Variants in PLCXD2 observed in about 807,000 individuals in gnomAD.
PLCXD2 encodes PI-PLC X domain-containing protein 2.
A neutral mutation model predicts 28.6 loss-of-function variants in PLCXD2; 21 were observed. The observed-to-expected ratio is 0.73, with a 90% CI of 0.52 to 1.06. The LOEUF is 1.06. Among genes scored for constraint, PLCXD2 ranks in the 50% least tolerant of loss-of-function variants. PLCXD2 has a pLI of 0.00. For synonymous variants in PLCXD2, 140 were observed against 150.1 expected (o/e 0.93, Z 0.49); for missense variants, 369 against 376.7 (o/e 0.98, Z 0.17).
intron 1 of PLCXD2, among the ~76,000 whole-genome samples, chr3:111,684,270 C>T (rs1304823068): frequency 6.8e-6 from 1 of 147,614 alleles, no homozygotes; most frequent in Non-Finnish European, 1.5e-5. Context: ...GCAGAGGTTG[C>T]GATCAGCTGA....
At chr3:111,687,532 G>C (rs935767294) in intron 1 of PLCXD2, among the ~76,000 whole-genome samples, 1 of 152,052 alleles carries the variant, frequency 6.6e-6, no homozygotes, top group Non-Finnish European at 1.5e-5. Context: ...ATTATTATCT[G>C]TTCATATTAA....
intron 1 of PLCXD2, among the ~76,000 whole-genome samples, chr3:111,675,866 A>T (rs1270880407): frequency 6.6e-6 from 1 of 152,198 alleles, no homozygotes; most frequent in Non-Finnish European, 1.5e-5. Context: ...AAAAATGGAT[A>T]AGCATTAGAG....
At chr3:111,686,882 A>T (rs1392507276) in intron 1 of PLCXD2, among the ~76,000 whole-genome samples, 1 of 152,152 alleles carries the variant, frequency 6.6e-6, no homozygotes, top group Admixed American at 6.5e-5. Flanking sequence ...TTTCTGACAC[A>T]TTCCTCTTCA....
At chr3:111,709,036 A>T (rs541199265) in intron 2 of PLCXD2, among the ~76,000 whole-genome samples, 2 of 151,756 alleles carry the variant, frequency 1.3e-5, no homozygotes, top group African/African-American at 4.8e-5. Context: ...CTCTGATCCT[A>T]AAGGATGACA....
At chr3:111,703,714 T>C (rs962891774) in intron 1 of PLCXD2, among the ~76,000 whole-genome samples, 1 of 152,232 alleles carries the variant, frequency 6.6e-6, no homozygotes, top group Non-Finnish European at 1.5e-5. Context: ...TGAGGAGGTA[T>C]AAAAATTTCC....
intron 1 of PLCXD2, among the ~76,000 whole-genome samples, chr3:111,685,709 G>T (rs180927625): frequency 6.6e-6 from 1 of 152,206 alleles, no homozygotes; most frequent in Non-Finnish European, 1.5e-5. Flanking sequence ...AGTGCCCCTT[G>T]CAAGGGGTTA....
rs920890451 is a variant in PLCXD2, at chr3:111,684,850, C to A, written c.163+9442C>A. Among the ~76,000 whole-genome samples the A allele has an allele frequency of 9.2e-5, 14 of 152,044 alleles. No homozygotes were observed. The East Asian group carries it at 2.5e-3, about 27-fold the overall frequency. The stretch of plus-strand genomic sequence containing the variant: ...TGAGGTCATCCAAGTGGGAGGCGAC[C>A]CTGACCTGAGGAGGAGGGTGACAGC... On this transcript the variant is annotated intron_variant, in intron 1 of 4. Transcript: ENST00000477665.
intron 1 of PLCXD2, among the ~76,000 whole-genome samples, chr3:111,683,011 CG>C (rs1398639356): frequency 1.4e-4 from 21 of 152,138 alleles, no homozygotes; most frequent in African/African-American, 5.1e-4. Context: ...TGTGTTAAAT[CG>C]GGTGATCACA....
Position 111,721,204 on chromosome 3 carries a change from C to T in PLCXD2, c.866+7076C>T, listed in dbSNP as rs534328720. On this transcript the variant is annotated intron_variant, in intron 3 of 4. Coordinates refer to ENST00000477665, the MANE Select transcript of PLCXD2 (RefSeq NM_001185106.1). ...TAGGACCCATTGGGGTATTGAGTGT[C>T]CCCCTAATTGGCCCAGCTCCCTATT... 5.3e-5 allele frequency: 9 copies of T among 170,100 alleles called. No homozygotes were observed. In the East Asian group the frequency reaches 1.4e-3, roughly 26 times the overall value. 10.5% of individuals were successfully genotyped at this position (170,100 alleles called of 1,614,324 possible).
At chr3:111,726,994 A>G (rs1941424678) in intron 3 of PLCXD2, 2 of 152,226 alleles carry the variant, frequency 1.3e-5, no homozygotes, top group Non-Finnish European at 2.9e-5. Context: ...TTGTTATATA[A>G]TATTGGACAA....
At chr3:111,682,049 T>C (rs899178076) in intron 1 of PLCXD2, among the ~76,000 whole-genome samples, 4 of 152,250 alleles carry the variant, frequency 2.6e-5, no homozygotes, top group Non-Finnish European at 4.4e-5. Context: ...TGTGTTTGTG[T>C]GTGTGAAAAG....
chr3:111,695,082 C>G (rs1940942371), intron 1 of PLCXD2, among the ~76,000 whole-genome samples: 2 of 144,984 alleles, frequency 1.4e-5, no homozygotes, highest in Non-Finnish European at 3.0e-5. Context: ...TCTTAAAAAT[C>G]ATAAGTCATT....
intron 1 of PLCXD2, among the ~76,000 whole-genome samples, chr3:111,700,435 A>G (rs1445906466): frequency 6.6e-6 from 1 of 152,194 alleles, no homozygotes; most frequent in Non-Finnish European, 1.5e-5. Flanking sequence ...ATGCATATAG[A>G]ACATTAAGGA....
At chr3:111,684,249 G>T (rs1234385120) in intron 1 of PLCXD2, among the ~76,000 whole-genome samples, 1 of 150,648 alleles carries the variant, frequency 6.6e-6, no homozygotes, top group Admixed American at 6.6e-5. Flanking sequence ...AGAATCGCTT[G>T]AACCCGGGAG....
chr3:111,695,530 C>T (rs903907728), intron 1 of PLCXD2, among the ~76,000 whole-genome samples: 6 of 152,252 alleles, frequency 3.9e-5, no homozygotes, highest in Non-Finnish European at 8.8e-5. Context: ...AAAACCAACA[C>T]TGTGAAACTG....
At chr3:111,684,413 G>C (rs2107841555) in intron 1 of PLCXD2, among the ~76,000 whole-genome samples, 1 of 151,620 alleles carries the variant, frequency 6.6e-6, no homozygotes, top group East Asian at 1.9e-4. Flanking sequence ...CAGCACTTTG[G>C]AAAGCCGAGG....
intron 3 of PLCXD2, among the ~76,000 whole-genome samples, chr3:111,715,160 GT>G (rs1297392389): frequency 5.9e-5 from 9 of 152,240 alleles, no homozygotes; most frequent in Non-Finnish European, 1.0e-4. Context: ...ACCAGAAAGT[GT>G]TTTCTGTGTG....
intron 1 of PLCXD2, among the ~76,000 whole-genome samples, chr3:111,683,889 A>T (rs1940753928): frequency 6.6e-6 from 1 of 152,148 alleles, no homozygotes; most frequent in African/African-American, 2.4e-5. Context: ...CACAGTAAGG[A>T]TGCTCTAGAG....
chr3:111,694,415 C>A (rs913065811), intron 1 of PLCXD2, among the ~76,000 whole-genome samples: 1 of 151,962 alleles, frequency 6.6e-6, no homozygotes, highest in Admixed American at 6.6e-5. Flanking sequence ...ATGACTTTTT[C>A]TCTTATCGCA....
Sources: gnomAD v4.1 joint callset for allele counts (sites outside exome capture counted in the v4.1 genomes callset) on GRCh38, gnomAD v4.1.1 for gene constraint, MANE v1.5 for transcripts, NCBI Gene and HGNC (gene_info 2026-07-23, HGNC 2026-07-21) for gene names.